Variants in CYB5A observed in about 807,000 individuals in gnomAD.
CYB5A encodes cytochrome b5 type A.
CYB5A carries 10 observed loss-of-function variants against 16.2 expected under a neutral mutation model. That is an observed-to-expected ratio of 0.62 (90% CI 0.38 to 1.04). CYB5A has a LOEUF of 1.04. CYB5A is among the 50% of genes least tolerant of loss of function. The pLI, the probability that CYB5A is intolerant of heterozygous loss-of-function variation, is 0.01. For missense variants in CYB5A, 161 were observed against 165.9 expected (o/e 0.97, Z 0.16); for synonymous variants, 62 against 57.0 (o/e 1.09, Z -0.40).
intron 1 of CYB5A, among the ~76,000 whole-genome samples, chr18:74,290,737 T>A (rs921460000): frequency 6.6e-6 from 1 of 152,316 alleles, no homozygotes; most frequent in South Asian, 2.1e-4. Flanking sequence ...AGATTTATGA[T>A]TGAGACTCCC....
Position 74,252,767 on chromosome 18 carries a change from G to C in CYB5A, c.*817C>G, listed in dbSNP as rs571972243. ...TTGCCCAGCTGGAGTTCAACGGCGC[G>C]ATCTCAGCTCACTACAACCTCTGCC... is the stretch of plus-strand genomic sequence containing the variant. On this transcript the variant is annotated 3_prime_UTR_variant, in exon 5 of 5. Coordinates refer to ENST00000340533, the MANE Select transcript of CYB5A (RefSeq NM_148923.4). 2 of 152,230 alleles carry C rather than the reference G, an allele frequency of 1.3e-5. No individual in the cohort carries two copies. Among genetic ancestry groups the C allele is most frequent in the South Asian group, 4.2e-4 (2 of 4,812 alleles). 9.4% of individuals were successfully genotyped at this position (152,230 alleles called of 1,614,324 possible).
Position 74,253,517 on chromosome 18 carries a change from T to C in CYB5A, c.*67A>G, listed in dbSNP as rs1981842888. 1 of 947,818 alleles carries C rather than the reference T, an allele frequency of 1.1e-6. No homozygotes were observed. The highest frequency in any genetic ancestry group is 1.7e-6 in the Non-Finnish European group (1 of 582,724). 58.7% of individuals were successfully genotyped at this position (947,818 alleles called of 1,614,324 possible). On this transcript the variant is annotated 3_prime_UTR_variant, in exon 5 of 5. Coordinates refer to ENST00000340533, the MANE Select transcript of CYB5A (RefSeq NM_148923.4). Reference sequence around the variant, plus strand: ...TGAAGGTTTCTGTCAGTTGAAGTAGTTAGCAATGGCTTCTTTTCTCCCGTG... The same window carrying C: ...TGAAGGTTTCTGTCAGTTGAAGTAGCTAGCAATGGCTTCTTTTCTCCCGTG...
chr18:74,285,241 G>C (rs1344224804), intron 1 of CYB5A, among the ~76,000 whole-genome samples: 1 of 152,196 alleles, frequency 6.6e-6, no homozygotes, highest in Non-Finnish European at 1.5e-5. Context: ...AAACCTGCTA[G>C]AAAGGACACT....
At chr18:74,275,889 C>T (rs1051791874) in intron 1 of CYB5A, among the ~76,000 whole-genome samples, 7 of 152,136 alleles carry the variant, frequency 4.6e-5, no homozygotes, top group Non-Finnish European at 8.8e-5. Flanking sequence ...GAGGAGCCGT[C>T]GCCACACAGT....
chr18:74,253,526 G>T lies in CYB5A; in HGVS notation c.*58C>A. 1.9e-6 allele frequency: 2 copies of T among 1,079,620 alleles called. No individual in the cohort carries two copies. The highest frequency in any genetic ancestry group is 2.9e-6 in the Non-Finnish European group (2 of 699,746). The allele number at this position is 1,079,620 out of a possible 1,614,324, so 66.9% of individuals were successfully genotyped here. Reference sequence around the variant, plus strand: ...CTGTCAGTTGAAGTAGTTAGCAATGGCTTCTTTTCTCCCGTGTCCAAAGCA... The same window carrying T: ...CTGTCAGTTGAAGTAGTTAGCAATGTCTTCTTTTCTCCCGTGTCCAAAGCA... On this transcript the variant is annotated 3_prime_UTR_variant, in exon 5 of 5. Transcript: ENST00000340533.
At position 74,288,150 on chromosome 18, in the gene CYB5A, A is replaced by G. The variant is rs372319507; in HGVS notation, c.129+3597T>C. Among the ~76,000 whole-genome samples the G allele has an allele frequency of 9.8e-5, 15 of 152,352 alleles. No homozygotes were observed. In the East Asian group the frequency reaches 2.5e-3, roughly 25 times the overall value. The stretch of plus-strand genomic sequence containing the variant: ...AGGTTTCTACCCCTCCGCCTAAACA[A>G]CAAAAACAGCTTTAGTGGCCATTAT... On this transcript the variant is annotated intron_variant, in intron 1 of 4. Coordinates refer to ENST00000340533, the MANE Select transcript of CYB5A (RefSeq NM_148923.4).
intron 1 of CYB5A, among the ~76,000 whole-genome samples, chr18:74,283,599 C>T (rs1243875273): frequency 2.0e-5 from 3 of 152,180 alleles, no homozygotes; most frequent in Non-Finnish European, 4.4e-5. Context: ...CAGATATTTG[C>T]ATCACAAATT....
intron 2 of CYB5A, chr18:74,261,787 G>A (rs957058614): frequency 3.9e-5 from 6 of 152,188 alleles, no homozygotes; most frequent in Non-Finnish European, 5.9e-5. Context: ...AGTGGTATAC[G>A]ATAAGACTTT....
chr18:74,277,374 A>T (rs1275192740), intron 1 of CYB5A, among the ~76,000 whole-genome samples: 2 of 152,210 alleles, frequency 1.3e-5, no homozygotes, highest in Non-Finnish European at 2.9e-5. Context: ...CTGTATCCCC[A>T]TAAGCCTTGA....
intron 1 of CYB5A, among the ~76,000 whole-genome samples, chr18:74,275,938 T>C (rs1982856664): frequency 6.6e-6 from 1 of 152,090 alleles, no homozygotes; most frequent in Non-Finnish European, 1.5e-5. Context: ...GCAGACCAGA[T>C]ACCCCAACAC....
chr18:74,275,265 T>G (rs537783930), intron 1 of CYB5A, among the ~76,000 whole-genome samples: 26 of 152,284 alleles, frequency 1.7e-4, no homozygotes, highest in African/African-American at 6.3e-4. Flanking sequence ...AGAAAGATGT[T>G]ACAGATACTT....
At chr18:74,267,048 G>C (rs1264528135) in intron 1 of CYB5A, among the ~76,000 whole-genome samples, 2 of 152,188 alleles carry the variant, frequency 1.3e-5, no homozygotes, top group African/African-American at 4.8e-5. Context: ...ATTACGGAGA[G>C]AGAGAGAGAG....
At chr18:74,279,413 C>A (rs1983004063) in intron 1 of CYB5A, among the ~76,000 whole-genome samples, 1 of 152,226 alleles carries the variant, frequency 6.6e-6, no homozygotes, top group South Asian at 2.1e-4. Context: ...CCTGTAATCC[C>A]AGCTACTCAG....
At chr18:74,260,661 AT>A in intron 3 of CYB5A, 1 of 554,676 alleles carries the variant, frequency 1.8e-6, no homozygotes, top group Non-Finnish European at 3.4e-6. Flanking sequence ...TTCAAATGGT[AT>A]ATATTGATAA....
chr18:74,272,749 G>A (rs535449254), intron 1 of CYB5A, among the ~76,000 whole-genome samples: 35 of 151,430 alleles, frequency 2.3e-4, no homozygotes, highest in Non-Finnish European at 3.7e-4. Context: ...TGAAACCCCC[G>A]TCTCTACTAA....
chr18:74,268,447 C>T lies in CYB5A; in HGVS notation c.130-4970G>A, dbSNP rs375001151. Among the ~76,000 whole-genome samples, 85 of 152,168 alleles carry T rather than the reference C, an allele frequency of 5.6e-4. No homozygotes were observed. In the South Asian group the frequency reaches 0.013, roughly 23 times the overall value. On this transcript the variant is annotated intron_variant, in intron 1 of 4. Coordinates refer to ENST00000340533, the MANE Select transcript of CYB5A (RefSeq NM_148923.4). ...AGGGCCAGGCCGTGTGCTGCTTTTG[C>T]GCCTCTCCAAGGATTCTGATCTTTG...
At chr18:74,277,324 G>A (rs1413535414) in intron 1 of CYB5A, among the ~76,000 whole-genome samples, 1 of 152,186 alleles carries the variant, frequency 6.6e-6, no homozygotes, top group Non-Finnish European at 1.5e-5. Flanking sequence ...GCCAGCATCT[G>A]CATGGGGCAC....
intron 2 of CYB5A, among the ~76,000 whole-genome samples, chr18:74,262,030 G>A (rs12965502): frequency 6.6e-6 from 1 of 152,062 alleles, no homozygotes; most frequent in African/African-American, 2.4e-5. Context: ...CAGAGCGCTC[G>A]GCAACTTCTT....
chr18:74,285,095 G>C (rs1402433221), intron 1 of CYB5A, among the ~76,000 whole-genome samples: 6 of 152,166 alleles, frequency 3.9e-5, no homozygotes, highest in Admixed American at 3.3e-4. Context: ...AAAATGTTCT[G>C]TTTTTCAGAA....
Sources: allele counts gnomAD v4.1 joint callset (sites outside exome capture counted in the v4.1 genomes callset), GRCh38; gene constraint gnomAD v4.1.1; transcripts MANE v1.5; gene names NCBI Gene and HGNC (gene_info 2026-07-23, HGNC 2026-07-21).